Variants in CCL28 observed in about 807,000 individuals in gnomAD.
CCL28 encodes C-C motif chemokine 28.
Under a neutral mutation model 7.1 loss-of-function variants are expected in CCL28, and 4 were observed. That is an observed-to-expected ratio of 0.56 (90% CI 0.28 to 1.29). The LOEUF is 1.29. Ranked by LOEUF, CCL28 falls within the 50% of genes most tolerant of loss-of-function variation. CCL28 has a pLI of 0.11. For synonymous variants in CCL28, 55 were observed against 57.8 expected (o/e 0.95, Z 0.22); for missense variants, 151 against 163.4 (o/e 0.92, Z 0.41).
chr5:43,408,249 T>C (rs1019488831), intron 1 of CCL28, among the ~76,000 whole-genome samples: 2 of 152,172 alleles, frequency 1.3e-5, no homozygotes, highest in African/African-American at 4.8e-5. Context: ...CACATGTCCA[T>C]CAATGATAGA....
chr5:43,394,859 C>G (rs1740733205), intron 1 of CCL28, among the ~76,000 whole-genome samples: 1 of 151,958 alleles, frequency 6.6e-6, no homozygotes, highest in Non-Finnish European at 1.5e-5. Context: ...AATCTATTTT[C>G]TTCCTTGCCC....
chr5:43,394,445 A>G (rs1740715921), intron 1 of CCL28, among the ~76,000 whole-genome samples: 1 of 152,224 alleles, frequency 6.6e-6, no homozygotes, highest in East Asian at 1.9e-4. Context: ...ATATGGAATT[A>G]TCTCTCTATC....
intron 1 of CCL28, among the ~76,000 whole-genome samples, chr5:43,409,403 G>T (rs1248168034): frequency 6.6e-6 from 1 of 151,616 alleles, no homozygotes; most frequent in Admixed American, 6.6e-5. Context: ...TCCAGCCTGG[G>T]CGACAAGAGC....
intron 1 of CCL28, among the ~76,000 whole-genome samples, chr5:43,406,111 A>T (rs941694494): frequency 9.2e-5 from 14 of 152,232 alleles, no homozygotes; most frequent in Admixed American, 9.1e-4. Flanking sequence ...TATTCCAATC[A>T]ATAGAAAAAG....
chr5:43,357,477 T>C, the CCL28 span, among the ~76,000 whole-genome samples: 3 of 152,014 alleles, frequency 2.0e-5, no homozygotes, highest in African/African-American at 7.3e-5. Context: ...AGATTAAGAG[T>C]TGTTGTCATT....
chr5:43,411,182 T>C (rs750818732), intron 1 of CCL28, among the ~76,000 whole-genome samples: 3 of 152,194 alleles, frequency 2.0e-5, no homozygotes, highest in Non-Finnish European at 2.9e-5. Flanking sequence ...AAGCTTTCAG[T>C]TTTAAAATGT....
chr5:43,375,049 C>T (rs1739858028), downstream of CCL28, among the ~76,000 whole-genome samples: 2 of 151,794 alleles, frequency 1.3e-5, no homozygotes. Context: ...GAGTGCAATA[C>T]TGCGGTCTCA....
chr5:43,408,046 TCTAAA>T (rs1264902686), intron 1 of CCL28, among the ~76,000 whole-genome samples: 2 of 152,218 alleles, frequency 1.3e-5, no homozygotes, highest in Non-Finnish European at 2.9e-5. Context: ...TTAGTGGGAC[TCTAAA>T]CTAGTTCAAC....
intron 1 of CCL28, among the ~76,000 whole-genome samples, chr5:43,410,863 G>A (rs1741509509): frequency 6.6e-6 from 1 of 152,194 alleles, no homozygotes; most frequent in Non-Finnish European, 1.5e-5. Context: ...AAATGTTACA[G>A]AAACATAAAG....
At chr5:43,373,835 C>T (rs116584435), downstream of CCL28, among the ~76,000 whole-genome samples, 499 of 152,304 alleles carry the variant, frequency 3.3e-3, 1 homozygote, top group Middle Eastern at 0.014. Flanking sequence ...TCCTGTCCTA[C>T]CTACTGTGCA....
intron 1 of CCL28, among the ~76,000 whole-genome samples, chr5:43,406,065 G>T (rs1421510600): frequency 2.0e-5 from 3 of 152,068 alleles, no homozygotes; most frequent in Admixed American, 1.3e-4. Flanking sequence ...TTCTACCAGA[G>T]GTACAAGAAG....
chr5:43,399,871 C>T (rs1381435581), intron 1 of CCL28, among the ~76,000 whole-genome samples: 6 of 148,846 alleles, frequency 4.0e-5, no homozygotes, highest in Non-Finnish European at 8.9e-5. Context: ...TTTGGGAGAC[C>T]GTCTTGTTCT....
intron 1 of CCL28, among the ~76,000 whole-genome samples, chr5:43,404,256 G>A (rs1386562109): frequency 6.6e-6 from 1 of 152,230 alleles, no homozygotes. Context: ...GGCAGCCAGA[G>A]AGAAAGGTCG....
At chr5:43,369,772 A>G in the CCL28 span, among the ~76,000 whole-genome samples, 1 of 152,180 alleles carries the variant, frequency 6.6e-6, no homozygotes, top group African/African-American at 2.4e-5. Flanking sequence ...TAGACTCCAA[A>G]GATGACCTCC....
At chr5:43,394,427 A>G (rs1740715258) in intron 1 of CCL28, among the ~76,000 whole-genome samples, 1 of 152,212 alleles carries the variant, frequency 6.6e-6, no homozygotes, top group Non-Finnish European at 1.5e-5. Context: ...TTGTCTTCCC[A>G]TTCATAAATA....
chr5:43,389,320 T>C (rs192158283), intron 1 of CCL28, among the ~76,000 whole-genome samples: 22 of 152,384 alleles, frequency 1.4e-4, no homozygotes, highest in African/African-American at 5.3e-4. Flanking sequence ...CCTACATTTA[T>C]TAATGCATTT....
chr5:43,362,443 C>A, the CCL28 span, among the ~76,000 whole-genome samples: 1,868 of 152,092 alleles, frequency 0.012, 36 homozygotes, highest in East Asian at 0.083. Context: ...ACTTTTCTAC[C>A]TCATTTACAA....
downstream of CCL28, chr5:43,376,963 A>C (rs966072589): frequency 6.6e-6 from 1 of 152,174 alleles, no homozygotes; most frequent in African/African-American, 2.4e-5. Context: ...AGTTAAGGGG[A>C]ACTATAATCT....
At chr5:43,402,559 C>T (rs1047219202) in intron 1 of CCL28, among the ~76,000 whole-genome samples, 6 of 152,084 alleles carry the variant, frequency 3.9e-5, no homozygotes, top group African/African-American at 9.7e-5. Context: ...CCAAGATGGC[C>T]GAATAGGAAC....
Sources: gnomAD v4.1 joint callset for allele counts (sites outside exome capture counted in the v4.1 genomes callset) on GRCh38, gnomAD v4.1.1 for gene constraint, MANE v1.5 for transcripts, NCBI Gene and HGNC (gene_info 2026-07-23, HGNC 2026-07-21) for gene names.